The following TYROBP variants were observed in gnomAD, a reference collection of about 807,000 sequenced individuals.
TYROBP encodes the protein TYRO protein tyrosine kinase-binding protein.
A neutral mutation model predicts 17.1 loss-of-function variants in TYROBP; 14 were observed. That is an observed-to-expected ratio of 0.82 (90% CI 0.54 to 1.28). TYROBP has a LOEUF of 1.28. Ranked by LOEUF, TYROBP falls within the 50% of genes most tolerant of loss-of-function variation. The pLI is 0.00. For synonymous variants in TYROBP, 73 were observed against 67.4 expected (o/e 1.08, Z -0.41); for missense variants, 161 against 151.4 (o/e 1.06, Z -0.33).
At chr19:35,904,962 TAAAA>T (rs78604543) in intron 4 of TYROBP, among the ~76,000 whole-genome samples, 4 of 132,350 alleles carry the variant, frequency 3.0e-5, no homozygotes, top group African/African-American at 1.1e-4. Flanking sequence ...CCAGCCACTG[TAAAA>T]AAAAAAAAAA....
chr19:35,907,388 C>T (rs754097137), intron 3 of TYROBP, 58 bp downstream of exon 3: 2 of 1,580,084 alleles, frequency 1.3e-6, no homozygotes, highest in Non-Finnish European at 1.7e-6. Flanking sequence ...GGAGTTTACC[C>T]AGCCCCCCAC....
chr19:35,905,440 A>AC (rs1221067717), intron 4 of TYROBP, among the ~76,000 whole-genome samples: 3 of 152,038 alleles, frequency 2.0e-5, no homozygotes, highest in African/African-American at 7.3e-5. Flanking sequence ...GAATCTCATG[A>AC]CCCCCTAAAG....
chr19:35,907,390 G>A (rs1568504641), intron 3 of TYROBP, 56 bp downstream of exon 3: 4 of 1,425,268 alleles, frequency 2.8e-6, no homozygotes, highest in East Asian at 4.5e-5. Context: ...AGTTTACCCA[G>A]CCCCCCACCC....
intron 4 of TYROBP, 36 bp from the exon 5 acceptor site, chr19:35,904,670 C>A (rs780434005): frequency 6.3e-7 from 1 of 1,598,908 alleles, no homozygotes; most frequent in African/African-American, 1.3e-5. Context: ...AAGGGACCCA[C>A]CAAATAAAAT....
chr19:35,907,366 G>A (rs1175524963), intron 3 of TYROBP, 80 bp downstream of exon 3: 13 of 1,606,238 alleles, frequency 8.1e-6, no homozygotes, highest in Non-Finnish European at 1.1e-5. Flanking sequence ...CCCTTTGGAT[G>A]TTTGAGATCT....
At position 35,904,465 on chromosome 19, in the gene TYROBP, C is replaced by G; in HGVS notation, c.*104G>C. 1 of 1,201,862 alleles carries G rather than the reference C, an allele frequency of 8.3e-7. No homozygotes were observed. Among genetic ancestry groups the G allele is most frequent in the Admixed American group, 1.9e-5 (1 of 51,826 alleles). The allele number at this position is 1,201,862 out of a possible 1,614,324, so 74.4% of individuals were successfully genotyped here. On this transcript the variant is annotated 3_prime_UTR_variant, in exon 5 of 5. Coordinates refer to ENST00000262629, the MANE Select transcript of TYROBP (RefSeq NM_003332.4). ...GAGCGGTCTGGTCTCTCAGGGATGG[C>G]ACTCTGTGGGTCTGTATCGCGGTAG...
rs1248672137 is a variant in TYROBP, at chr19:35,905,139, T to C, written c.277-505A>G. ...AGAGGGAATAAATACATCCGGGTAA[T>C]GCTTTGCCCTAAAATTTCACTGCCA... On this transcript the variant is annotated intron_variant, in intron 4 of 4. Coordinates refer to ENST00000262629, the MANE Select transcript of TYROBP (RefSeq NM_003332.4). Among the ~76,000 whole-genome samples the C allele has an allele frequency of 2.0e-5, 3 of 152,224 alleles. 1 individual carries two copies.
intron 1 of TYROBP, 114 bp downstream of exon 1, chr19:35,908,054 G>T: frequency 1.0e-6 from 1 of 962,356 alleles, no homozygotes; most frequent in South Asian, 1.4e-5. Flanking sequence ...GGAGGTTGGG[G>T]ACCTGCTCCC....
In TYROBP at chr19:35,907,247, G is replaced by C. The variant is rs763695211; in HGVS notation, c.247C>G (p.Arg83Gly). ...TAAGGCGACTCGGTCTCAGTGATAC[G>C]CTGTTTCCGGGTCGCTGCTGGAGGT... ...GAAEAATRKQ[R>G]ITETESPYQE... Residue 83 changes from arginine to glycine, a missense_variant, in exon 4 of 5, where the codon CGT becomes GGT. Coordinates refer to ENST00000262629, the MANE Select transcript of TYROBP (RefSeq NM_003332.4). 3.1e-6 allele frequency: 5 copies of C among 1,608,718 alleles called. No individual in the cohort carries two copies. Among genetic ancestry groups the C allele is most frequent in the Admixed American group, 3.4e-5 (2 of 58,518 alleles).
At position 35,908,268 on chromosome 19, in the gene TYROBP, T is replaced by C. The variant is rs1599642163; in HGVS notation, c.-40A>G. The C allele has an allele frequency of 1.3e-6, 2 of 1,587,394 alleles. No individual in the cohort carries two copies. The highest frequency in any genetic ancestry group is 2.7e-5 in the African/African-American group (2 of 74,060). On this transcript the variant is annotated 5_prime_UTR_variant, in exon 1 of 5. Coordinates refer to ENST00000262629, the MANE Select transcript of TYROBP (RefSeq NM_003332.4). ...CTGGACACCACAGTGTAAGGGCCGG[T>C]GGGATGTGGCGCAGCGTCCAGGCAA...
chr19:35,904,676 A>G, intron 4 of TYROBP, 42 bp from the exon 5 acceptor site: 1 of 1,592,078 alleles, frequency 6.3e-7, no homozygotes, highest in African/African-American at 1.3e-5. Context: ...CCCACCAAAT[A>G]AAATCCAGCC....
rs748058074 is a variant in TYROBP at position 35,907,565 on chromosome 19, G to A, written c.110C>T (p.Thr37Met). ...CCCTGCCAGCACGCCCGGGCTCACC[G>A]TAGAGCAACTGCAATCTGCAGCACA... ...AQAQSDCSCS[T>M]VSPGVLAGIV... The change falls in exon 3 of 5, where the codon ACG becomes ATG. Residue 37 changes from threonine (T) to methionine (M), a missense_variant. Physicochemically the swap from Thr to Met is moderately conservative, Grantham distance 81. Transcript: ENST00000262629. The A allele has an allele frequency of 9.3e-6, 15 of 1,614,004 alleles. No individual in the cohort carries two copies. Among genetic ancestry groups the A allele is most frequent in the East Asian group, 2.2e-5 (1 of 44,888 alleles).
intron 4 of TYROBP, among the ~76,000 whole-genome samples, chr19:35,904,893 G>A (rs868117209): frequency 2.3e-4 from 35 of 149,010 alleles, no homozygotes; most frequent in African/African-American, 8.4e-4. Context: ...CTCAGCTCAC[G>A]TCACCTCCTC....
chr19:35,904,463 G>T lies in TYROBP; in HGVS notation c.*106C>A. On this transcript the variant is annotated 3_prime_UTR_variant, in exon 5 of 5. Transcript: ENST00000262629. ...GGGAGCGGTCTGGTCTCTCAGGGAT[G>T]GCACTCTGTGGGTCTGTATCGCGGT... 8.5e-7 allele frequency: 1 copy of T among 1,172,996 alleles called. No homozygotes were observed. The highest frequency in any genetic ancestry group is 1.3e-6 in the Non-Finnish European group (1 of 799,230). The allele number at this position is 1,172,996 out of a possible 1,614,324, so 72.7% of individuals were successfully genotyped here.
chr19:35,908,293 A>G lies in TYROBP; in HGVS notation c.-65T>C. On this transcript the variant is annotated 5_prime_UTR_variant, in exon 1 of 5. Transcript: ENST00000262629. Reference sequence around the variant, plus strand: ...TGGGATGTGGCGCAGCGTCCAGGCAAGTGAAGGAGGAAGTCTGAGGCGGGT... The same window carrying G: ...TGGGATGTGGCGCAGCGTCCAGGCAGGTGAAGGAGGAAGTCTGAGGCGGGT... 2 of 1,439,014 alleles carry G rather than the reference A, an allele frequency of 1.4e-6. No homozygotes were observed. Among genetic ancestry groups the G allele is most frequent in the Non-Finnish European group, 9.8e-7 (1 of 1,021,540 alleles). The allele number at this position is 1,439,014 out of a possible 1,614,324, so 89.1% of individuals were successfully genotyped here. A position where few individuals can be genotyped will look rare whatever the true frequency, so the allele number is the denominator to read the frequency against.
Position 35,908,258 on chromosome 19 carries a change from T to C in TYROBP, c.-30A>G. 2 of 1,604,148 alleles carry C rather than the reference T, an allele frequency of 1.2e-6. No individual in the cohort carries two copies. The highest frequency in any genetic ancestry group is 1.7e-6 in the Non-Finnish European group (2 of 1,171,310). On this transcript the variant is annotated 5_prime_UTR_variant, in exon 1 of 5. Transcript: ENST00000262629. ...CCGGATGCTGCTGGACACCACAGTG[T>C]AAGGGCCGGTGGGATGTGGCGCAGC...
chr19:35,907,739 C>A lies in TYROBP; in HGVS notation c.85G>T (p.Ala29Ser). ...VSGLRPVQAQ[A>S]QSDCSCSTVS... ...CTGGGTCTAGGCCTACCGCTCTGGG[C>A]CTGGGCCTGGACAGGACGGAGACCT... Residue 29 changes from alanine (A) to serine (S), a missense_variant, in exon 2 of 5, where the codon GCC (alanine) becomes TCC (serine). Physicochemically the swap from Ala to Ser is moderately conservative, Grantham distance 99 (BLOSUM62 1). Coordinates refer to ENST00000262629, the MANE Select transcript of TYROBP (RefSeq NM_003332.4). 6.2e-7 allele frequency: 1 copy of A among 1,613,954 alleles called. No homozygotes were observed. The highest frequency in any genetic ancestry group is 8.5e-7 in the Non-Finnish European group (1 of 1,179,996).
At chr19:35,905,322 G>T (rs1975694989) in intron 4 of TYROBP, among the ~76,000 whole-genome samples, 1 of 152,206 alleles carries the variant, frequency 6.6e-6, no homozygotes, top group African/African-American at 2.4e-5. Flanking sequence ...CACACTTGGG[G>T]TAGGGGGAGG....
Position 35,907,539 on chromosome 19 carries a change from T to C in TYROBP, c.136A>G (p.Ile46Val). 1.2e-6 allele frequency: 2 copies of C among 1,613,948 alleles called. No homozygotes were observed. The highest frequency in any genetic ancestry group is 1.7e-6 in the Non-Finnish European group (2 of 1,180,006). The change falls in exon 3 of 5, where the codon ATC (isoleucine) becomes GTC (valine). Residue 46 changes from isoleucine (I) to valine (V), a missense_variant. Coordinates refer to ENST00000262629, the MANE Select transcript of TYROBP (RefSeq NM_003332.4). Reference protein sequence around the residue: ...STVSPGVLAGIVMGDLVLTVL... With the variant: ...STVSPGVLAGVVMGDLVLTVL... ...GTCAGCACCAGGTCTCCCATCACGATCCCTGCCAGCACGCCCGGGCTCACC... is the reference window on the plus strand; with the variant it reads ...GTCAGCACCAGGTCTCCCATCACGACCCCTGCCAGCACGCCCGGGCTCACC...
Sources: gnomAD v4.1 joint callset for allele counts (sites outside exome capture counted in the v4.1 genomes callset) on GRCh38, gnomAD v4.1.1 for gene constraint, MANE v1.5 for transcripts, NCBI Gene and HGNC (gene_info 2026-07-23, HGNC 2026-07-21) for gene names.